Variants in RPH3A observed in about 807,000 individuals in gnomAD.
The protein encoded by RPH3A is rabphilin 3A.
A neutral mutation model predicts 102.2 loss-of-function variants in RPH3A; 48 were observed. That is an observed-to-expected ratio of 0.47 (90% CI 0.37 to 0.60). The LOEUF (loss-of-function observed/expected upper bound fraction) is 0.60, where lower values mean the gene tolerates loss of function less well. Ranked by LOEUF, RPH3A falls within the 20% of genes least tolerant of loss-of-function variation. The pLI is 0.00. For synonymous variants in RPH3A, 310 were observed against 324.3 expected, an observed-to-expected ratio of 0.96 and a Z score of 0.47; for missense variants, 781 against 910.1, an observed-to-expected ratio of 0.86 and a Z score of 1.83.
chr12:112,707,520 C>A (rs1234923896), intron 1 of RPH3A, among the ~76,000 whole-genome samples: 1 of 152,194 alleles, frequency 6.6e-6, no homozygotes, highest in Non-Finnish European at 1.5e-5. Context: ...AGTCTGACTT[C>A]AAAGCCTGTA....
intron 2 of RPH3A, among the ~76,000 whole-genome samples, chr12:112,816,343 C>G (rs965089999): frequency 7.9e-5 from 12 of 152,130 alleles, no homozygotes; most frequent in African/African-American, 2.9e-4. Context: ...CCATAGAAAA[C>G]ACAGGCAGGC....
At chr12:112,594,158 A>G (rs1354776737) in intron 1 of RPH3A, among the ~76,000 whole-genome samples, 1 of 152,082 alleles carries the variant, frequency 6.6e-6, no homozygotes, top group African/African-American at 2.4e-5. Context: ...TATCTCTCTG[A>G]CTTCTAGTAT....
rs1555209153 is a variant in RPH3A at position 112,791,867 on chromosome 12, G to GGAGAGAGAGCGAGAGA, written c.-276_-275insCGAGAGAGAGAGAGAG. The GGAGAGAGAGCGAGAGA allele has an allele frequency of 2.1e-5, 1 of 48,484 alleles. No individual in the cohort carries two copies. 3.0% of individuals were successfully genotyped at this position (48,484 alleles called of 1,614,324 possible). A position where few individuals can be genotyped will look rare whatever the true frequency, so the allele number is the denominator to read the frequency against. On this transcript the variant is annotated 5_prime_UTR_variant, in exon 1 of 22. Coordinates refer to ENST00000389385, the MANE Select transcript of RPH3A (RefSeq NM_001143854.2). ...CGCGGACTGGAAAGGAAGGGAGAAG[G>GGAGAGAGAGCGAGAGA]GAGAGAGAGAGAGAGAGAGAGAGAG...
intron 1 of RPH3A, among the ~76,000 whole-genome samples, chr12:112,734,120 G>C (rs2040652586): frequency 6.6e-6 from 1 of 152,160 alleles, no homozygotes; most frequent in Non-Finnish European, 1.5e-5. Flanking sequence ...TGATGTTTTG[G>C]TCAAAGATGG....
At chr12:112,779,330 G>A (rs920003935) in intron 1 of RPH3A, among the ~76,000 whole-genome samples, 3 of 152,190 alleles carry the variant, frequency 2.0e-5, no homozygotes, top group African/African-American at 7.2e-5. Context: ...CCCAGGGACA[G>A]GCCAGTTTTA....
rs1420832487 is a variant in RPH3A, at chr12:112,621,440, G to C, written c.-140+46121G>C. Among the ~76,000 whole-genome samples, 768 of 148,994 alleles carry C rather than the reference G, an allele frequency of 5.2e-3. 5 individuals carry two copies. Among genetic ancestry groups the C allele is most frequent in the African/African-American group, 0.018 (712 of 40,080 alleles). On this transcript the variant is annotated intron_variant, in intron 1 of 21. Transcript: ENST00000543106. ...AGTTCCCTTTCCGAGTCAAAGAAAG[G>C]GGTGACGGACGCACCTGGAAAATCG...
At chr12:112,614,687 T>TAA (rs1356759477) in intron 1 of RPH3A, among the ~76,000 whole-genome samples, 2 of 30,666 alleles carry the variant, frequency 6.5e-5, no homozygotes, top group African/African-American at 3.7e-4. Context: ...AGACCCTGCC[T>TAA]CAAAAAAAAA....
chr12:112,767,047 A>G (rs1032361344), intron 1 of RPH3A, among the ~76,000 whole-genome samples: 2 of 152,136 alleles, frequency 1.3e-5, no homozygotes, highest in Non-Finnish European at 2.9e-5. Context: ...CTCCACAGAA[A>G]TGTCTGTTGG....
intron 3 of RPH3A, among the ~76,000 whole-genome samples, chr12:112,834,843 C>A (rs1279459212): frequency 1.3e-5 from 2 of 152,066 alleles, no homozygotes; most frequent in Non-Finnish European, 2.9e-5. Flanking sequence ...TAGATAAAAT[C>A]CCTTGTGGAT....
chr12:112,818,050 C>T (rs575205247), intron 2 of RPH3A, among the ~76,000 whole-genome samples: 4 of 152,288 alleles, frequency 2.6e-5, no homozygotes, highest in African/African-American at 7.2e-5. Flanking sequence ...TGGTGGCTCA[C>T]GCCTGTAATC....
intron 2 of RPH3A, among the ~76,000 whole-genome samples, chr12:112,821,120 C>T (rs1292783816): frequency 6.6e-6 from 1 of 152,150 alleles, no homozygotes; most frequent in African/African-American, 2.4e-5. Flanking sequence ...TGCTGGAGTC[C>T]CATGAGAGAA....
At chr12:112,876,912 G>T in intron 13 of RPH3A, 46 bp downstream of exon 13, 1 of 1,460,184 alleles carries the variant, frequency 6.8e-7, no homozygotes, top group East Asian at 2.3e-5. Flanking sequence ...ATCACTTCAG[G>T]AGCCAAGCCC....
At chr12:112,842,308 T>C (rs2136180535) in intron 4 of RPH3A, among the ~76,000 whole-genome samples, 1 of 152,356 alleles carries the variant, frequency 6.6e-6, no homozygotes, top group Non-Finnish European at 1.5e-5. Context: ...GTTCAGCTTT[T>C]TGGAGCATTT....
rs749010110 is a variant in RPH3A at position 112,865,416 on chromosome 12, G to A, written c.233G>A (p.Arg78His). ...ATTTACCTTGTCTCTGCTTCCAGAC[G>A]CCTGGTGGACCGCCTAGAAAACATG... ...MEEMEQERIG[R>H]LVDRLENMRK... The change falls in exon 6 of 22, where the codon CGC becomes CAC. Residue 78 changes from arginine to histidine, a missense_variant and splice_region_variant. Physicochemically the swap from Arg to His is conservative, Grantham distance 29. This residue lies in a region of RPH3A where 730 missense variants were observed against 810.0 expected (regional missense o/e 0.90). Coordinates refer to ENST00000389385, the MANE Select transcript of RPH3A (RefSeq NM_001143854.2). The A allele has an allele frequency of 2.8e-5, 45 of 1,613,666 alleles. No homozygotes were observed. The highest frequency in any genetic ancestry group is 1.7e-4 in the Middle Eastern group (1 of 6,056).
At chr12:112,824,338 A>T (rs1163112160) in intron 2 of RPH3A, among the ~76,000 whole-genome samples, 1 of 152,098 alleles carries the variant, frequency 6.6e-6, no homozygotes, top group Non-Finnish European at 1.5e-5. Context: ...CTCCTGTTGG[A>T]TGAGGGCGAT....
At position 112,896,854 on chromosome 12, in the gene RPH3A, C is replaced by T. The variant is rs549787722; in HGVS notation, c.*74C>T. The T allele has an allele frequency of 3.2e-6, 5 of 1,553,808 alleles. No individual in the cohort carries two copies. In the African/African-American group the frequency reaches 5.4e-5, roughly 17 times the overall value. On this transcript the variant is annotated 3_prime_UTR_variant, in exon 22 of 22. Transcript: ENST00000389385. ...CTCTAGCTGCCCACCGCACCCTGAT[C>T]TCTCTTCTCTATGCCTACCTCCCCC...
chr12:112,581,646 T>A (rs941895470), intron 1 of RPH3A, among the ~76,000 whole-genome samples: 12 of 151,992 alleles, frequency 7.9e-5, no homozygotes, highest in Admixed American at 7.9e-4. Flanking sequence ...GTGATCCACC[T>A]GCCTTGGCTT....
At chr12:112,875,921 G>C (rs1803149369) in intron 12 of RPH3A, among the ~76,000 whole-genome samples, 180 bp downstream of exon 12, 1 of 152,218 alleles carries the variant, frequency 6.6e-6, no homozygotes, top group African/African-American at 2.4e-5. Flanking sequence ...TAGCTAGATA[G>C]AAATGCCAAC....
chr12:112,725,272 A>AC (rs1565861538), intron 1 of RPH3A, among the ~76,000 whole-genome samples: 1 of 151,236 alleles, frequency 6.6e-6, no homozygotes, highest in Non-Finnish European at 1.5e-5. Context: ...AAAAAAAAAA[A>AC]AAAAAAACAC....
Sources: allele counts gnomAD v4.1 joint callset (sites outside exome capture counted in the v4.1 genomes callset), GRCh38; gene constraint gnomAD v4.1.1; regional missense constraint gnomAD v4.1.1; transcripts MANE v1.5; gene names NCBI Gene and HGNC (gene_info 2026-07-23, HGNC 2026-07-21).